SNX18: variants seen among roughly 807,000 people sequenced by gnomAD.
SNX18 encodes the protein sorting nexin-18.
In SNX18, 35 loss-of-function variants were observed where a neutral mutation model predicts 48.7. That is an observed-to-expected ratio of 0.72 (90% CI 0.55 to 0.95). The LOEUF (loss-of-function observed/expected upper bound fraction) is 0.95, where lower values mean the gene tolerates loss of function less well. SNX18 is among the 40% of genes least tolerant of loss of function. The pLI is 0.00. For synonymous variants in SNX18, 492 were observed against 384.7 expected (o/e 1.28, Z -3.26); for missense variants, 824 against 871.0 (o/e 0.95, Z 0.68).
the SNX18 span, among the ~76,000 whole-genome samples, chr5:54,627,276 A>G: frequency 6.6e-6 from 1 of 152,310 alleles, no homozygotes; most frequent in East Asian, 1.9e-4. Context: ...AAAACTGGGA[A>G]TGAAAAATAT....
At chr5:54,644,736 G>C in the SNX18 span, 6 of 152,244 alleles carry the variant, frequency 3.9e-5, no homozygotes, top group Admixed American at 6.5e-5. Context: ...GTGATGGCTA[G>C]AGTAGCAGCT....
chr5:54,518,538 T>G lies in SNX18; in HGVS notation c.586T>G (p.Ser196Ala). ...GGGCGCAGCCGGCCGCTACCGCCTG[T>G]CCACGCGCTCCGACCTGTCCCTGGG... is the stretch of plus-strand genomic sequence containing the variant. ...GVGAAGRYRL[S>A]TRSDLSLGSR... The change falls in exon 1 of 2, where the codon TCC becomes GCC. Residue 196 changes from serine (S) to alanine (A), a missense_variant. Ser to Ala is a moderately conservative substitution (Grantham distance 99). This residue lies in a region of SNX18 where 377 missense variants were observed against 350.6 expected (regional missense o/e 1.08). Coordinates refer to ENST00000381410, the MANE Select transcript of SNX18 (RefSeq NM_001102575.2). 1 of 1,580,614 alleles carries G rather than the reference T, an allele frequency of 6.3e-7. No homozygotes were observed. The highest frequency in any genetic ancestry group is 1.3e-5 in the African/African-American group (1 of 74,290).
chr5:54,530,770 T>TTTTTTTTTTTTTTTTTTA (rs1762240899), intron 1 of SNX18, among the ~76,000 whole-genome samples: 1 of 92,050 alleles, frequency 1.1e-5, no homozygotes, highest in Admixed American at 1.3e-4. Flanking sequence ...TTTTTTTTTT[T>TTTTTTTTTTTTTTTTTTA]GAGACAGTTT....
chr5:54,618,008 T>C, the SNX18 span, among the ~76,000 whole-genome samples: 1 of 152,340 alleles, frequency 6.6e-6, no homozygotes, highest in Non-Finnish European at 1.5e-5. Flanking sequence ...AGTTTGGTTG[T>C]GTCCCCATCC....
At chr5:54,547,202 A>G (rs1762589698), downstream of SNX18, among the ~76,000 whole-genome samples, 1 of 152,110 alleles carries the variant, frequency 6.6e-6, no homozygotes, top group Non-Finnish European at 1.5e-5. Flanking sequence ...CAAATCACCT[A>G]CGGTTTGGGG....
the SNX18 span, among the ~76,000 whole-genome samples, chr5:54,570,643 T>C: frequency 2.0e-5 from 3 of 152,170 alleles, no homozygotes; most frequent in Non-Finnish European, 2.9e-5. Flanking sequence ...CCTAGCACAG[T>C]TATGGAGTTA....
chr5:54,568,562 G>A, the SNX18 span, among the ~76,000 whole-genome samples: 1 of 152,176 alleles, frequency 6.6e-6, no homozygotes, highest in Non-Finnish European at 1.5e-5. Flanking sequence ...AGGGGTGGTT[G>A]TTCGAGCTCT....
At position 54,518,479 on chromosome 5, in the gene SNX18, A is replaced by T; in HGVS notation, c.527A>T (p.Tyr176Phe). 1 of 1,570,608 alleles carries T rather than the reference A, an allele frequency of 6.4e-7. No individual in the cohort carries two copies. Among genetic ancestry groups the T allele is most frequent in the East Asian group, 2.4e-5 (1 of 42,128 alleles). Reference sequence around the variant, plus strand: ...CCGGGCGCTCTGGGCAGCGGAGCATACCCGGACCTCGACGGCTCGTCTTCG... The same window carrying T: ...CCGGGCGCTCTGGGCAGCGGAGCATTCCCGGACCTCGACGGCTCGTCTTCG... ...DEPGALGSGA[Y>F]PDLDGSSSAG... Residue 176 changes from tyrosine (Y) to phenylalanine (F), a missense_variant, in exon 1 of 2, where the codon TAC becomes TTC. Physicochemically the swap from Tyr to Phe is conservative, Grantham distance 22. Transcript: ENST00000381410.
the SNX18 span, among the ~76,000 whole-genome samples, chr5:54,563,425 T>C: frequency 2.0e-5 from 3 of 152,222 alleles, no homozygotes; most frequent in African/African-American, 7.2e-5. Flanking sequence ...ACCATTGTGT[T>C]ACAGTTGCCT....
the SNX18 span, among the ~76,000 whole-genome samples, chr5:54,593,001 A>G: frequency 6.6e-6 from 1 of 152,078 alleles, no homozygotes; most frequent in Non-Finnish European, 1.5e-5. Context: ...GGGTTTCATC[A>G]TGTTGGCCAG....
rs573164546 is a variant in SNX18 at position 54,529,466 on chromosome 5, C to T, written c.1621+9893C>T. ...CCCTACATAATAACCTCAATTTTCCCTCTTGACCTGCAAAGCCTAAAATGC... is the reference window on the plus strand; with the variant it reads ...CCCTACATAATAACCTCAATTTTCCTTCTTGACCTGCAAAGCCTAAAATGC... On this transcript the variant is annotated intron_variant, in intron 1 of 1. Transcript: ENST00000381410. Among the ~76,000 whole-genome samples, 24 of 152,260 alleles carry T rather than the reference C, an allele frequency of 1.6e-4. 1 individual carries two copies. Among genetic ancestry groups the T allele is most frequent in the Non-Finnish European group, 2.1e-4 (14 of 68,012 alleles).
chr5:54,526,751 C>A (rs781306691), intron 1 of SNX18, among the ~76,000 whole-genome samples: 2 of 152,054 alleles, frequency 1.3e-5, no homozygotes, highest in African/African-American at 2.4e-5. Flanking sequence ...TGGAGACACT[C>A]AATGAAAAAC....
the SNX18 span, among the ~76,000 whole-genome samples, chr5:54,593,489 C>G: frequency 2.0e-5 from 3 of 152,122 alleles, no homozygotes; most frequent in Non-Finnish European, 4.4e-5. Flanking sequence ...ATCTATAGAT[C>G]CAACTCATTA....
chr5:54,526,248 G>T (rs1476942929), intron 1 of SNX18, among the ~76,000 whole-genome samples: 1 of 152,152 alleles, frequency 6.6e-6, no homozygotes, highest in African/African-American at 2.4e-5. Flanking sequence ...GGGATTACAG[G>T]CATGTGCCAC....
chr5:54,552,703 C>T, the SNX18 span, among the ~76,000 whole-genome samples: 147 of 152,264 alleles, frequency 9.7e-4, 1 homozygote, highest in Non-Finnish European at 1.5e-4. Flanking sequence ...TGTTGTGCTT[C>T]GGGCACTGTT....
the SNX18 span, among the ~76,000 whole-genome samples, chr5:54,611,989 C>A: frequency 6.6e-6 from 1 of 152,010 alleles, no homozygotes; most frequent in African/African-American, 2.4e-5. Context: ...GCGATCCTCC[C>A]GCCTCAGATT....
chr5:54,551,957 C>T, the SNX18 span, among the ~76,000 whole-genome samples: 1 of 152,182 alleles, frequency 6.6e-6, no homozygotes, highest in Non-Finnish European at 1.5e-5. Flanking sequence ...TATGCTAGCC[C>T]TCAGTGTTGG....
chr5:54,613,337 G>A, the SNX18 span, among the ~76,000 whole-genome samples: 1 of 152,032 alleles, frequency 6.6e-6, no homozygotes, highest in African/African-American at 2.4e-5. Flanking sequence ...ATCTGGCAAG[G>A]GCTTCTCGGT....
downstream of SNX18, among the ~76,000 whole-genome samples, chr5:54,548,790 T>A (rs2111634417): frequency 6.6e-6 from 1 of 152,314 alleles, no homozygotes; most frequent in Middle Eastern, 3.4e-3. Context: ...TTTTCTTATC[T>A]ATAATGGGGT....
Sources: gnomAD v4.1 joint callset for allele counts (sites outside exome capture counted in the v4.1 genomes callset) on GRCh38, gnomAD v4.1.1 for gene constraint, gnomAD v4.1.1 regional missense constraint, MANE v1.5 for transcripts, NCBI Gene and HGNC (gene_info 2026-07-23, HGNC 2026-07-21) for gene names.